The following SLC26A7 variants were observed in gnomAD, a reference collection of about 807,000 sequenced individuals.
SLC26A7 encodes solute carrier family 26 member 7.
SLC26A7 carries 59 observed loss-of-function variants against 82.5 expected under a neutral mutation model. The ratio of observed to expected loss-of-function variants is 0.72; its 90% confidence interval spans 0.58 to 0.89. The LOEUF is 0.89. Ranked by LOEUF, SLC26A7 falls within the 40% of genes least tolerant of loss-of-function variation. SLC26A7 has a pLI of 0.00. For synonymous variants in SLC26A7, 271 were observed against 274.3 expected, an observed-to-expected ratio of 0.99 and a Z score of 0.12; for missense variants, 820 against 793.0, an observed-to-expected ratio of 1.03 and a Z score of -0.41.
intron 4 of SLC26A7, among the ~76,000 whole-genome samples, chr8:91,309,417 C>G (rs893135589): frequency 6.6e-6 from 1 of 151,636 alleles, no homozygotes; most frequent in African/African-American, 2.4e-5. Flanking sequence ...TGTCTGAAAC[C>G]TCCCCCTCCA....
chr8:91,225,744 C>T (rs1209403083), intron 2 of SLC26A7, among the ~76,000 whole-genome samples: 3 of 138,262 alleles, frequency 2.2e-5, no homozygotes, highest in African/African-American at 8.2e-5. Context: ...AAATTTTATC[C>T]ATCCATCTAT....
intron 15 of SLC26A7, among the ~76,000 whole-genome samples, chr8:91,387,333 T>C (rs1314657022): frequency 6.6e-6 from 1 of 152,184 alleles, no homozygotes; most frequent in African/African-American, 2.4e-5. Flanking sequence ...GTGATTACAG[T>C]TGAGTGGTCA....
chr8:91,306,032 A>T (rs1812295425), intron 4 of SLC26A7, among the ~76,000 whole-genome samples: 1 of 152,134 alleles, frequency 6.6e-6, no homozygotes, highest in Non-Finnish European at 1.5e-5. Flanking sequence ...CTCCCTTTTC[A>T]CTACTTTTAC....
intron 10 of SLC26A7, among the ~76,000 whole-genome samples, chr8:91,352,539 A>G (rs1212337195): frequency 6.6e-6 from 1 of 152,144 alleles, no homozygotes; most frequent in Admixed American, 6.6e-5. Context: ...AAGAAAATAT[A>G]TGATATACAT....
rs185059711 is a variant in SLC26A7, at chr8:91,260,156, A to C, written c.193+10312A>C. On this transcript the variant is annotated intron_variant, in intron 2 of 18. Transcript: ENST00000276609. The stretch of plus-strand genomic sequence containing the variant: ...TAAAGGAAAGAGGTTTAATTGACTC[A>C]CAGTTCCATATGGCTGGGGAGGCCT... 5.5e-4 allele frequency among the ~76,000 whole-genome samples: 84 copies of C among 152,278 alleles called. No individual in the cohort carries two copies. In the East Asian group the frequency reaches 0.014, roughly 25 times the overall value.
At chr8:91,267,720 T>G (rs538919519) in intron 2 of SLC26A7, among the ~76,000 whole-genome samples, 218 of 152,012 alleles carry the variant, frequency 1.4e-3, no homozygotes, top group African/African-American at 5.0e-3. Flanking sequence ...CTTTTTTTCT[T>G]GATCTTTCAT....
At chr8:91,363,648 T>TTTTAATTATA (rs1169188996) in intron 13 of SLC26A7, 110 bp downstream of exon 13, 1 of 589,708 alleles carries the variant, frequency 1.7e-6, no homozygotes, top group Admixed American at 3.7e-5. Flanking sequence ...AAATATAACT[T>TTTTAATTATA]TTTAATTAGT....
chr8:91,313,334 G>A (rs1044170497), intron 4 of SLC26A7, among the ~76,000 whole-genome samples: 5 of 151,948 alleles, frequency 3.3e-5, no homozygotes, highest in Admixed American at 3.3e-4. Context: ...TTATCTATTG[G>A]TCTATATATC....
In SLC26A7 at chr8:91,366,707, A is replaced by T; in HGVS notation, c.1616A>T (p.Asp539Val). ...AATGCCTGTAATCAGCCACTTGATGATATCAGCAAGGTAGGATCAATGGTT... is the reference window on the plus strand; with the variant it reads ...AATGCCTGTAATCAGCCACTTGATGTTATCAGCAAGGTAGGATCAATGGTT... ...KENACNQPLD[D>V]ISKCEQNTLL... Residue 539 changes from aspartate to valine, a missense_variant, in exon 14 of 19, where the codon GAT (aspartate) becomes GTT (valine). Asp to Val is a radical substitution (Grantham distance 152, BLOSUM62 -3). Transcript: ENST00000276609. 3 of 1,612,344 alleles carry T rather than the reference A, an allele frequency of 1.9e-6. No homozygotes were observed. Among genetic ancestry groups the T allele is most frequent in the Non-Finnish European group, 2.5e-6 (3 of 1,179,572 alleles).
At chr8:91,251,990 A>G (rs1451615903) in intron 2 of SLC26A7, among the ~76,000 whole-genome samples, 4 of 152,160 alleles carry the variant, frequency 2.6e-5, no homozygotes. Flanking sequence ...AGAGTAAGGA[A>G]GGCATTTAGA....
At chr8:91,214,014 A>G (rs142836048) in intron 1 of SLC26A7, among the ~76,000 whole-genome samples, 23 of 152,100 alleles carry the variant, frequency 1.5e-4, no homozygotes, top group Non-Finnish European at 2.9e-4. Context: ...GGTGAGATAT[A>G]TATGTGTTCG....
intron 2 of SLC26A7, among the ~76,000 whole-genome samples, chr8:91,229,197 C>G (rs1224583418): frequency 6.6e-6 from 1 of 152,202 alleles, no homozygotes; most frequent in Non-Finnish European, 1.5e-5. Context: ...TCCCCACAAC[C>G]TTTAGGAAGT....
At position 91,295,555 on chromosome 8, in the gene SLC26A7, T is replaced by C. The variant is rs1318234752; in HGVS notation, c.329T>C (p.Ile110Thr). The change falls in exon 4 of 19, where the codon ATA becomes ACA. Residue 110 changes from isoleucine to threonine, a missense_variant. Physicochemically the swap from Ile to Thr is moderately conservative, Grantham distance 89. Transcript: ENST00000276609. ...ATGTFALTSL[I>T]SANAVERIVP... ...GGCACCTTTGCCTTGACATCCTTAATATCAGCCAACGCCGTGGAACGGATT... is the reference window on the plus strand; with the variant it reads ...GGCACCTTTGCCTTGACATCCTTAACATCAGCCAACGCCGTGGAACGGATT... 3.7e-6 allele frequency: 6 copies of C among 1,613,592 alleles called. No homozygotes were observed. The highest frequency in any genetic ancestry group is 5.1e-6 in the Non-Finnish European group (6 of 1,179,752).
chr8:91,364,206 A>G (rs1000989354), intron 13 of SLC26A7, among the ~76,000 whole-genome samples: 2 of 152,174 alleles, frequency 1.3e-5, no homozygotes, highest in East Asian at 1.9e-4. Context: ...ATTTTTGCCA[A>G]TTAAAGAAAA....
At chr8:91,375,618 T>C (rs1159926412) in intron 15 of SLC26A7, among the ~76,000 whole-genome samples, 2 of 151,968 alleles carry the variant, frequency 1.3e-5, no homozygotes, top group African/African-American at 4.8e-5. Flanking sequence ...TGGGATTTCC[T>C]TTATAGGTAA....
chr8:91,257,442 C>G (rs925475510), intron 2 of SLC26A7, among the ~76,000 whole-genome samples: 1 of 152,022 alleles, frequency 6.6e-6, no homozygotes, highest in Non-Finnish European at 1.5e-5. Flanking sequence ...CAGCTCAGAG[C>G]ACTACTGTGG....
intron 2 of SLC26A7, among the ~76,000 whole-genome samples, chr8:91,288,900 A>G (rs554594037): frequency 3.3e-5 from 5 of 152,326 alleles, no homozygotes; most frequent in African/African-American, 1.2e-4. Flanking sequence ...TTTTGTAGAC[A>G]TCTCTGCAAT....
intron 2 of SLC26A7, among the ~76,000 whole-genome samples, chr8:91,284,336 G>A (rs1375900526): frequency 1.3e-5 from 2 of 152,138 alleles, no homozygotes; most frequent in African/African-American, 4.8e-5. Flanking sequence ...GGAGCCTTTA[G>A]GGTTTTACAT....
intron 15 of SLC26A7, among the ~76,000 whole-genome samples, chr8:91,386,525 T>TGTATTGTC (rs1382170419): frequency 1.3e-5 from 2 of 152,220 alleles, no homozygotes; most frequent in African/African-American, 2.4e-5. Context: ...TATTTTAAGA[T>TGTATTGTC]GTATTGTCAA....
Sources: gnomAD v4.1 joint callset for allele counts (sites outside exome capture counted in the v4.1 genomes callset) on GRCh38, gnomAD v4.1.1 for gene constraint, MANE v1.5 for transcripts, NCBI Gene and HGNC (gene_info 2026-07-23, HGNC 2026-07-21) for gene names.